Variants in CCDC15 observed in about 807,000 individuals in gnomAD.
CCDC15 encodes the protein coiled-coil domain-containing protein 15.
CCDC15 carries 105 observed loss-of-function variants against 114.5 expected under a neutral mutation model. The ratio of observed to expected loss-of-function variants is 0.92; its 90% CI spans 0.78 to 1.08. The LOEUF (loss-of-function observed/expected upper bound fraction) is 1.08. CCDC15 is among the 50% of genes least tolerant of loss of function. The pLI, the probability that CCDC15 is intolerant of heterozygous loss-of-function variation, is 0.00. For synonymous variants in CCDC15, 334 were observed against 377.8 expected (o/e 0.88, Z 1.34); for missense variants, 1,105 against 1,093.6 (o/e 1.01, Z -0.15).
intron 13 of CCDC15, among the ~76,000 whole-genome samples, chr11:125,020,206 G>A (rs1948652938): frequency 6.6e-6 from 1 of 151,906 alleles, no homozygotes; most frequent in Non-Finnish European, 1.5e-5. Flanking sequence ...CCACCTCCTT[G>A]AGAAGTTATT....
At chr11:125,031,641 G>A (rs1385035974) in intron 13 of CCDC15, among the ~76,000 whole-genome samples, 1 of 152,208 alleles carries the variant, frequency 6.6e-6, no homozygotes, top group Non-Finnish European at 1.5e-5. Context: ...GCAGGGCCTT[G>A]CTCCAAAATC....
At chr11:125,035,284 T>C (rs576341900) in intron 13 of CCDC15, among the ~76,000 whole-genome samples, 1 of 152,268 alleles carries the variant, frequency 6.6e-6, no homozygotes, top group African/African-American at 2.4e-5. Flanking sequence ...AATAATACTT[T>C]ACATCCTTCA....
At chr11:124,968,518 A>G (rs1009679756) in intron 4 of CCDC15, among the ~76,000 whole-genome samples, 3 of 152,138 alleles carry the variant, frequency 2.0e-5, no homozygotes, top group Non-Finnish European at 4.4e-5. Flanking sequence ...GGAAAAGCGC[A>G]GTATTAGGGC....
At chr11:125,024,125 C>T (rs868051451) in intron 13 of CCDC15, among the ~76,000 whole-genome samples, 5 of 151,926 alleles carry the variant, frequency 3.3e-5, no homozygotes, top group East Asian at 1.9e-4. Flanking sequence ...TATATACATA[C>T]GTACATTCAT....
chr11:125,008,779 G>A (rs773438589), intron 13 of CCDC15, among the ~76,000 whole-genome samples: 4 of 151,112 alleles, frequency 2.6e-5, no homozygotes, highest in Non-Finnish European at 4.4e-5. Context: ...TGCAACCTCC[G>A]CCTCCCTGGT....
chr11:124,990,819 G>C (rs759311518), intron 8 of CCDC15, among the ~76,000 whole-genome samples: 3 of 152,138 alleles, frequency 2.0e-5, no homozygotes, highest in Admixed American at 6.6e-5. Flanking sequence ...AAAAGGAGTG[G>C]TCCATAAGTA....
intron 6 of CCDC15, among the ~76,000 whole-genome samples, chr11:124,985,642 G>A (rs1007813709): frequency 1.7e-5 from 2 of 121,084 alleles, no homozygotes; most frequent in Admixed American, 7.5e-5. Context: ...TGGATAAAAT[G>A]TCATGCATGT....
Position 125,038,414 on chromosome 11 carries a change from T to TA in CCDC15, c.2412-16dup, listed in dbSNP as rs1313387163. 5.7e-6 allele frequency: 8 copies of TA among 1,400,536 alleles called. No individual in the cohort carries two copies. Among genetic ancestry groups the TA allele is most frequent in the Non-Finnish European group, 7.5e-6 (8 of 1,061,920 alleles). 86.8% of individuals were successfully genotyped at this position (1,400,536 alleles called of 1,614,324 possible). A position where few individuals can be genotyped will look rare whatever the true frequency, so the allele number is the denominator to read the frequency against. On this transcript the variant is annotated splice_polypyrimidine_tract_variant and intron_variant, in intron 13 of 15. Transcript: ENST00000344762. ...AATTTTATGAAATTCCTAACCATGT[T>TA]ATGATTTTATTTTCAGAATTAAGAA... is the stretch of plus-strand genomic sequence containing the variant.
chr11:124,969,596 C>T (rs570683022), intron 4 of CCDC15, among the ~76,000 whole-genome samples: 195 of 152,224 alleles, frequency 1.3e-3, no homozygotes, highest in Non-Finnish European at 2.4e-3. Flanking sequence ...CTTTACAGTG[C>T]TAGTTTTCCA....
chr11:125,035,197 A>G (rs1339478922), intron 13 of CCDC15, among the ~76,000 whole-genome samples: 1 of 152,186 alleles, frequency 6.6e-6, no homozygotes, highest in African/African-American at 2.4e-5. Flanking sequence ...ACTCAGATTA[A>G]GGGTGGGTCT....
At chr11:124,991,320 A>G (rs1948264593) in intron 8 of CCDC15, 141 bp from the exon 9 acceptor site, 2 of 466,938 alleles carry the variant, frequency 4.3e-6, no homozygotes, top group Non-Finnish European at 7.3e-6. Context: ...GACAAAAAGT[A>G]TGAGTGTCTC....
rs117227200 is a variant in CCDC15 at position 125,006,963 on chromosome 11, G to A, written c.2411+1751G>A. On this transcript the variant is annotated intron_variant, in intron 13 of 15. Transcript: ENST00000344762. ...ATATTTTTATTGATACATAATAATT[G>A]TACATATTTATGGGATACATGTAAT... Among the ~76,000 whole-genome samples the A allele has an allele frequency of 8.0e-3, 1,212 of 152,062 alleles. 14 individuals carry two copies. Among genetic ancestry groups the A allele is most frequent in the Non-Finnish European group, 0.013 (910 of 67,982 alleles).
chr11:124,993,121 C>T (rs1430815427), intron 10 of CCDC15, 48 bp from the exon 11 acceptor site: 30 of 1,180,576 alleles, frequency 2.5e-5, no homozygotes, highest in South Asian at 1.3e-4. Flanking sequence ...GTCACTAGCC[C>T]GTCATTTCTG....
chr11:125,033,835 GA>G (rs1948757485), intron 13 of CCDC15, among the ~76,000 whole-genome samples: 1 of 152,128 alleles, frequency 6.6e-6, no homozygotes, highest in Non-Finnish European at 1.5e-5. Context: ...AAATTCACCT[GA>G]TCAAACTCTA....
Position 125,035,305 on chromosome 11 carries a change from G to C in CCDC15, c.2412-3126G>C, listed in dbSNP as rs149494374. On this transcript the variant is annotated intron_variant, in intron 13 of 15. Coordinates refer to ENST00000344762, the MANE Select transcript of CCDC15 (RefSeq NM_025004.3). The stretch of plus-strand genomic sequence containing the variant: ...ACTTTACATCCTTCAATTCAATCAA[G>C]TTGACAGTATTAACCATCACAATGA... 4.5e-3 allele frequency among the ~76,000 whole-genome samples: 686 copies of C among 152,090 alleles called. 5 individuals are homozygous for C. Among genetic ancestry groups the C allele is most frequent in the African/African-American group, 0.016 (652 of 41,520 alleles).
intron 6 of CCDC15, among the ~76,000 whole-genome samples, chr11:124,981,279 C>G (rs1303495815): frequency 1.3e-5 from 2 of 152,236 alleles, no homozygotes; most frequent in African/African-American, 4.8e-5. Flanking sequence ...TTGTAGATAT[C>G]TATAAGGTCC....
chr11:125,017,984 A>T (rs986905394), intron 13 of CCDC15, among the ~76,000 whole-genome samples: 1 of 152,128 alleles, frequency 6.6e-6, no homozygotes, highest in Non-Finnish European at 1.5e-5. Flanking sequence ...TTCAGTTTAT[A>T]AAGTTAAAAA....
chr11:124,965,414 C>G (rs1372444078), intron 4 of CCDC15, among the ~76,000 whole-genome samples: 1 of 152,144 alleles, frequency 6.6e-6, no homozygotes, highest in Non-Finnish European at 1.5e-5. Context: ...TCTAGATTTT[C>G]TAGTTTATTT....
At chr11:124,960,142 T>C (rs1400261361) in intron 4 of CCDC15, 139 bp downstream of exon 4, 3 of 548,966 alleles carry the variant, frequency 5.5e-6, no homozygotes, top group Non-Finnish European at 8.6e-6. Context: ...CCCCTTTTTT[T>C]TTTTTTTTAG....
Sources: allele counts gnomAD v4.1 joint callset (sites outside exome capture counted in the v4.1 genomes callset), GRCh38; gene constraint gnomAD v4.1.1; transcripts MANE v1.5; gene names NCBI Gene and HGNC (gene_info 2026-07-23, HGNC 2026-07-21).